ADAM11: variants seen among roughly 807,000 people sequenced by gnomAD.
ADAM11 encodes the protein ADAM metallopeptidase domain 11, also known as disintegrin and metalloproteinase domain-containing protein 11.
ADAM11 carries 49 observed loss-of-function variants against 119.1 expected under a neutral mutation model. That is an observed-to-expected ratio of 0.41 (90% CI 0.33 to 0.52). ADAM11 has a LOEUF of 0.52. Among genes scored for constraint, ADAM11 ranks in the 20% least tolerant of loss-of-function variants. The probability of loss-of-function intolerance (pLI) is 0.20; values close to 1 mark genes in which losing one functional copy is unlikely to be tolerated. For missense variants in ADAM11, 777 were observed against 1,047.5 expected (o/e 0.74, Z 3.56); for synonymous variants, 364 against 408.0 (o/e 0.89, Z 1.30).
rs1183629778 is a variant in ADAM11 at position 44,773,861 on chromosome 17, C to T, written c.992+434C>T. ...CTGTAATCTCAGCACTTTGGGAGGC[C>T]AAGGCGGGTAGATCATTTCAGGTTA... On this transcript the variant is annotated intron_variant, in intron 11 of 26. Coordinates refer to ENST00000200557, the MANE Select transcript of ADAM11 (RefSeq NM_002390.6). The surrounding 1 kb of genome is among the most constrained non-coding windows in gnomAD (Gnocchi z 4.6). Among the ~76,000 whole-genome samples, 1 of 151,840 alleles carries T rather than the reference C, an allele frequency of 6.6e-6. No individual in the cohort carries two copies. Among genetic ancestry groups the T allele is most frequent in the East Asian group, 1.9e-4 (1 of 5,162 alleles).
rs879245647 is a variant in ADAM11, at chr17:44,773,025, G to A, written c.765G>A (p.Met255Ile). Residue 255 changes from methionine to isoleucine, a missense_variant, in exon 10 of 27, where the codon ATG becomes ATA. Around this residue, in one of 4 missense-constraint regions of ADAM11, gnomAD observed 147 missense variants for 223.3 expected, o/e 0.66. Coordinates refer to ENST00000200557, the MANE Select transcript of ADAM11 (RefSeq NM_002390.6). This position sits in a 1 kb window ranked among gnomAD's most constrained non-coding sequence, Gnocchi z 4.6. ...CTTCTCTCTCCCAGTTCGAGCAGATGCGACAGTCGGTGGTCCTCACCAGCA... is the reference window on the plus strand; with the variant it reads ...CTTCTCTCTCCCAGTTCGAGCAGATACGACAGTCGGTGGTCCTCACCAGCA... ...VINDHQLFEQ[M>I]RQSVVLTSNF... 2 of 1,613,940 alleles carry A rather than the reference G, an allele frequency of 1.2e-6. No individual in the cohort carries two copies. Among genetic ancestry groups the A allele is most frequent in the Admixed American group, 1.7e-5 (1 of 60,004 alleles).
At position 44,774,486 on chromosome 17, in the gene ADAM11, C is replaced by G; in HGVS notation, c.1078-6C>G. ...GACATCTGTGCCCCATCTTCCCCAC[C>G]CCCAGTACGGCAACATGGGGGCGAT... is the stretch of plus-strand genomic sequence containing the variant. On this transcript the variant is annotated splice_polypyrimidine_tract_variant and splice_region_variant and intron_variant, in intron 12 of 26. Transcript: ENST00000200557. 6.2e-7 allele frequency: 1 copy of G among 1,612,502 alleles called. No homozygotes were observed. The highest frequency in any genetic ancestry group is 8.5e-7 in the Non-Finnish European group (1 of 1,179,520).
chr17:44,760,332 C>T (rs980094090), intron 2 of ADAM11, among the ~76,000 whole-genome samples: 2 of 152,304 alleles, frequency 1.3e-5, no homozygotes, highest in East Asian at 1.9e-4. Context: ...CTTGGAACAA[C>T]TTAGTGCTTG....
chr17:44,759,763 G>A lies in ADAM11; in HGVS notation c.103G>A (p.Gly35Ser), dbSNP rs371998230. Residue 35 changes from glycine (G) to serine (S), a missense_variant, in exon 2 of 27, where the codon GGC (glycine) becomes AGC (serine). Gly to Ser is a moderately conservative substitution (Grantham distance 56). This residue lies in a region of ADAM11 where 278 missense variants were observed against 310.1 expected (regional missense o/e 0.90). Coordinates refer to ENST00000200557, the MANE Select transcript of ADAM11 (RefSeq NM_002390.6). ...QGPAGALRWG[G>S]LPQLGGPGAP... The stretch of plus-strand genomic sequence containing the variant: ...TCCTGCTGGAGCTCTGCGATGGGGG[G>A]GCTTACCCCAGCTGGGAGGCCCAGG... 20 of 1,326,626 alleles carry A rather than the reference G, an allele frequency of 1.5e-5. No individual in the cohort carries two copies. In the African/African-American group the frequency reaches 1.7e-4, roughly 11 times the overall value. 82.2% of individuals were successfully genotyped at this position (1,326,626 alleles called of 1,614,324 possible).
In ADAM11 at chr17:44,774,476, T is replaced by C; in HGVS notation, c.1078-16T>C. On this transcript the variant is annotated splice_polypyrimidine_tract_variant and intron_variant, in intron 12 of 26. Coordinates refer to ENST00000200557, the MANE Select transcript of ADAM11 (RefSeq NM_002390.6). ...GGAAGATGTAGACATCTGTGCCCCATCTTCCCCACCCCCAGTACGGCAACA... is the reference window on the plus strand; with the variant it reads ...GGAAGATGTAGACATCTGTGCCCCACCTTCCCCACCCCCAGTACGGCAACA... The C allele has an allele frequency of 6.2e-7, 1 of 1,611,892 alleles. No individual in the cohort carries two copies. The highest frequency in any genetic ancestry group is 8.5e-7 in the Non-Finnish European group (1 of 1,179,292).
In ADAM11 at chr17:44,774,593, C is replaced by T; in HGVS notation, c.1168+11C>T. The T allele has an allele frequency of 6.2e-7, 1 of 1,610,916 alleles. No individual in the cohort carries two copies. The highest frequency in any genetic ancestry group is 8.5e-7 in the Non-Finnish European group (1 of 1,178,440). On this transcript the variant is annotated intron_variant, in intron 13 of 26. Transcript: ENST00000200557. ...ACCGGAGCTCGGCAGGTATCCTCCC[C>T]CAGAGGCCCCCGTGTGGCCCACGCC...
chr17:44,769,774 C>T lies in ADAM11; in HGVS notation c.294C>T (p.Thr98=). ...FVIPAFNSNF[T]LDLELNHHLL... The stretch of plus-strand genomic sequence containing the variant: ...TCCCAGCCTTCAACTCAAACTTCAC[C>T]CTGGACCTGGAGCTGAACCAGTGAG... The change falls in exon 3 of 27, where the codon ACC becomes ACT. Residue 98 remains threonine, a synonymous_variant. Transcript: ENST00000200557. 1 of 1,614,160 alleles carries T rather than the reference C, an allele frequency of 6.2e-7. No homozygotes were observed. Among genetic ancestry groups the T allele is most frequent in the Non-Finnish European group, 8.5e-7 (1 of 1,179,982 alleles).
chr17:44,767,905 GA>G (rs1384792628), intron 2 of ADAM11, among the ~76,000 whole-genome samples: 1 of 152,178 alleles, frequency 6.6e-6, no homozygotes, highest in Non-Finnish European at 1.5e-5. Flanking sequence ...CCTCCTGAGT[GA>G]GGGAGATTCT....
Position 44,776,316 on chromosome 17 carries a change from G to T in ADAM11, c.1566+109G>T. 8.4e-7 allele frequency: 1 copy of T among 1,195,820 alleles called. No individual in the cohort carries two copies. Among genetic ancestry groups the T allele is most frequent in the African/African-American group, 1.5e-5 (1 of 66,666 alleles). The allele number at this position is 1,195,820 out of a possible 1,614,324, so 74.1% of individuals were successfully genotyped here. Reference sequence around the variant, plus strand: ...AGCACTCCCCTCCTCTCCACAGCTGGCATCGACCTCCACTGATCAGACTGT... The same window carrying T: ...AGCACTCCCCTCCTCTCCACAGCTGTCATCGACCTCCACTGATCAGACTGT... On this transcript the variant is annotated intron_variant, in intron 18 of 26. Transcript: ENST00000200557. The surrounding 1 kb of genome is among the most constrained non-coding windows in gnomAD (Gnocchi z 5.2).
intron 2 of ADAM11, among the ~76,000 whole-genome samples, chr17:44,760,228 G>C (rs564748466): frequency 8.3e-4 from 127 of 152,364 alleles, no homozygotes; most frequent in Non-Finnish European, 1.5e-3. Context: ...AACAGGGCTT[G>C]GATGGGGCAA....
chr17:44,770,557 G>A (rs1296404291), intron 4 of ADAM11, among the ~76,000 whole-genome samples: 1 of 151,396 alleles, frequency 6.6e-6, no homozygotes. Flanking sequence ...GGCAGAGCTG[G>A]AGCGGGAGGG....
Position 44,777,481 on chromosome 17 carries a change from G to C in ADAM11, c.1782-1G>C, listed in dbSNP as rs1482182747. ...CTCACTGTCTCTATATGCCCCAACA[G>C]GGACGTGCTGTGTGGCTTCCTCCTC... On this transcript the variant is annotated splice_acceptor_variant, in intron 21 of 26. Transcript: ENST00000200557. LOFTEE classifies it high-confidence loss of function. This position sits in a 1 kb window ranked among gnomAD's most constrained non-coding sequence, Gnocchi z 5.1. 6.2e-7 allele frequency: 1 copy of C among 1,614,000 alleles called. No homozygotes were observed. Among genetic ancestry groups the C allele is most frequent in the Non-Finnish European group, 8.5e-7 (1 of 1,179,984 alleles).
chr17:44,759,298 GC>G, intron 1 of ADAM11, 38 bp downstream of exon 1: 4 of 1,347,438 alleles, frequency 3.0e-6, no homozygotes, highest in Admixed American at 3.7e-5. Flanking sequence ...CCCCCTCCCT[GC>G]CCCCGCCCCG....
Position 44,776,658 on chromosome 17 carries a change from C to T in ADAM11, c.1567-87C>T, listed in dbSNP as rs2049605307. 2.0e-6 allele frequency: 3 copies of T among 1,498,892 alleles called. No individual in the cohort carries two copies. Among genetic ancestry groups the T allele is most frequent in the Non-Finnish European group, 2.7e-6 (3 of 1,094,472 alleles). 92.8% of individuals were successfully genotyped at this position (1,498,892 alleles called of 1,614,324 possible). A position where few individuals can be genotyped will look rare whatever the true frequency, so the allele number is the denominator to read the frequency against. On this transcript the variant is annotated intron_variant, in intron 18 of 26. Coordinates refer to ENST00000200557, the MANE Select transcript of ADAM11 (RefSeq NM_002390.6). This position sits in a 1 kb window ranked among gnomAD's most constrained non-coding sequence, Gnocchi z 5.2. ...TGTGGCATGAGCCCCCAATGGGGGG[C>T]ACTTGGTACCCCAGCATTCCTCCCT...
At position 44,775,085 on chromosome 17, in the gene ADAM11, C is replaced by A; in HGVS notation, c.1221-127C>A. The A allele has an allele frequency of 1.2e-6, 1 of 857,060 alleles. No homozygotes were observed. Among genetic ancestry groups the A allele is most frequent in the Non-Finnish European group, 1.9e-6 (1 of 535,056 alleles). The allele number at this position is 857,060 out of a possible 1,614,324, so 53.1% of individuals were successfully genotyped here. On this transcript the variant is annotated intron_variant, in intron 14 of 26. Coordinates refer to ENST00000200557, the MANE Select transcript of ADAM11 (RefSeq NM_002390.6). This position sits in a 1 kb window ranked among gnomAD's most constrained non-coding sequence, Gnocchi z 7.5. ...AGGCGGGAGGATTCTGGTGCAATCC[C>A]GGGGCAGATCCTCCGCCTCCTCGCG... is the stretch of plus-strand genomic sequence containing the variant.
chr17:44,773,550 C>T lies in ADAM11; in HGVS notation c.992+123C>T. 9 of 1,206,042 alleles carry T rather than the reference C, an allele frequency of 7.5e-6. No individual in the cohort carries two copies. The South Asian group carries it at 1.4e-4, about 19-fold the overall frequency. 74.7% of individuals were successfully genotyped at this position (1,206,042 alleles called of 1,614,324 possible). ...GTCTGGGGACTGGGCTCACCTTGCA[C>T]CTGCCACCTACCCCCAGCCACATGC... On this transcript the variant is annotated intron_variant, in intron 11 of 26. Coordinates refer to ENST00000200557, the MANE Select transcript of ADAM11 (RefSeq NM_002390.6). The surrounding 1 kb of genome is among the most constrained non-coding windows in gnomAD (Gnocchi z 4.6).
chr17:44,764,390 G>A (rs73303573), intron 2 of ADAM11, among the ~76,000 whole-genome samples: 10 of 152,216 alleles, frequency 6.6e-5, no homozygotes, highest in Non-Finnish European at 1.3e-4. Context: ...TGGTGCCACA[G>A]GGGGGCCAGG....
At position 44,775,550 on chromosome 17, in the gene ADAM11, G is replaced by T. The variant is rs754265130; in HGVS notation, c.1393-34G>T. The stretch of plus-strand genomic sequence containing the variant: ...CGTCTGAGTGGGAGGATTAGGGCTC[G>T]CCCGCCTCCTTCCCCTCCTCCCGCG... On this transcript the variant is annotated intron_variant, in intron 16 of 26. Coordinates refer to ENST00000200557, the MANE Select transcript of ADAM11 (RefSeq NM_002390.6). This position sits in a 1 kb window ranked among gnomAD's most constrained non-coding sequence, Gnocchi z 7.5. The T allele has an allele frequency of 2.8e-5, 43 of 1,560,256 alleles. No individual in the cohort carries two copies. In the South Asian group the frequency reaches 4.9e-4, roughly 18 times the overall value.
At chr17:44,767,294 G>T (rs912327947) in intron 2 of ADAM11, among the ~76,000 whole-genome samples, 4 of 147,648 alleles carry the variant, frequency 2.7e-5, no homozygotes, top group Non-Finnish European at 5.9e-5. Flanking sequence ...GGCAGAGGTT[G>T]CAGTGAGCTG....
Sources: allele counts gnomAD v4.1 joint callset (sites outside exome capture counted in the v4.1 genomes callset), GRCh38; gene constraint gnomAD v4.1.1; regional missense constraint gnomAD v4.1.1; non-coding constraint Gnocchi (gnomAD v3.1); transcripts MANE v1.5; gene names NCBI Gene and HGNC (gene_info 2026-07-23, HGNC 2026-07-21).